GPHN: variants seen among roughly 807,000 people sequenced by gnomAD.
GPHN encodes gephyrin.
Under a neutral mutation model 95.5 loss-of-function variants are expected in GPHN, and 17 were observed. The ratio of observed to expected loss-of-function variants is 0.18; its 90% CI spans 0.12 to 0.27. The LOEUF is 0.27. Ranked by LOEUF, GPHN falls within the 10% of genes least tolerant of loss-of-function variation. GPHN has a pLI of 1.00. For missense variants in GPHN, 660 were observed against 978.1 expected (o/e 0.67, Z 4.34); for synonymous variants, 320 against 322.5 (o/e 0.99, Z 0.08).
chr14:67,370,119 C>A, the GPHN span, among the ~76,000 whole-genome samples: 1 of 152,270 alleles, frequency 6.6e-6, no homozygotes, highest in Non-Finnish European at 1.5e-5. Flanking sequence ...AGACACAGAT[C>A]ACTCATGCTT....
At chr14:67,477,966 A>G in the GPHN span, among the ~76,000 whole-genome samples, 2 of 152,314 alleles carry the variant, frequency 1.3e-5, no homozygotes, top group African/African-American at 4.8e-5. Context: ...GGTTCAGCAT[A>G]GTATTCCCAG....
chr14:67,411,948 GC>G, the GPHN span: 3 of 1,387,964 alleles, frequency 2.2e-6, no homozygotes, highest in South Asian at 3.8e-5. Context: ...CGCGCGTCTG[GC>G]CCCGCTCTAG....
rs2060805914 is a variant in GPHN at position 66,812,582 on chromosome 14, A to G, written c.202-11892A>G. ...AAGAGATAGGAAATCTTAGCAGAAA[A>G]AAATAGAAACTATTGAACCAAATAG... is the stretch of plus-strand genomic sequence containing the variant. On this transcript the variant is annotated intron_variant, in intron 3 of 22. Coordinates refer to ENST00000478722, the MANE Select transcript of GPHN (RefSeq NM_020806.5). Among the ~76,000 whole-genome samples, 3 of 152,344 alleles carry G rather than the reference A, an allele frequency of 2.0e-5. No individual in the cohort carries two copies. The South Asian group carries it at 6.2e-4, about 32-fold the overall frequency.
chr14:67,712,632 T>A, the GPHN span, among the ~76,000 whole-genome samples: 1 of 152,276 alleles, frequency 6.6e-6, no homozygotes, highest in East Asian at 1.9e-4. Context: ...GAGCTCATTT[T>A]AAAAAATCTT....
At chr14:66,558,790 G>T (rs181239770) in intron 1 of GPHN, among the ~76,000 whole-genome samples, 1 of 151,854 alleles carries the variant, frequency 6.6e-6, no homozygotes, top group African/African-American at 2.4e-5. Context: ...ACAATGTGCA[G>T]GTTAGTTACA....
At chr14:67,298,154 T>C in the GPHN span, among the ~76,000 whole-genome samples, 8 of 152,086 alleles carry the variant, frequency 5.3e-5, no homozygotes, top group African/African-American at 1.9e-4. Context: ...AGACTTAATC[T>C]TGTGACAGAG....
At chr14:66,524,606 T>C (rs2058613368) in intron 1 of GPHN, among the ~76,000 whole-genome samples, 2 of 152,084 alleles carry the variant, frequency 1.3e-5, no homozygotes, top group African/African-American at 4.8e-5. Context: ...CATCAACCTG[T>C]CATCTACATT....
chr14:66,624,817 TAGAC>T (rs1475707959), intron 1 of GPHN, among the ~76,000 whole-genome samples: 2 of 152,222 alleles, frequency 1.3e-5, no homozygotes, highest in African/African-American at 2.4e-5. Context: ...ACTCCTACCT[TAGAC>T]AGTATTCCTA....
intron 2 of GPHN, among the ~76,000 whole-genome samples, chr14:66,692,987 T>TTGTTTATGTGGGTAA (rs2067876408): frequency 6.6e-6 from 1 of 152,038 alleles, no homozygotes; most frequent in Admixed American, 6.5e-5. Context: ...GTGGGTAACA[T>TTGTTTATGTGGGTAA]CTATTGATAT....
At chr14:67,611,267 CTTTT>C in the GPHN span, 2 of 148,798 alleles carry the variant, frequency 1.3e-5, no homozygotes, top group African/African-American at 5.0e-5. Flanking sequence ...CTCTTTCTTT[CTTTT>C]CTTTCTTGAG....
Position 67,088,986 on chromosome 14 carries a change from G to A in GPHN, c.1148G>A (p.Gly383Glu). The A allele has an allele frequency of 6.3e-7, 1 of 1,578,174 alleles. No homozygotes were observed. Among genetic ancestry groups the A allele is most frequent in the Non-Finnish European group, 8.7e-7 (1 of 1,147,354 alleles). Residue 383 changes from glycine (G) to glutamate (E), a missense_variant, in exon 12 of 23, where the codon GGA becomes GAA. By Grantham distance (98) the Gly-to-Glu change is moderately conservative. Transcript: ENST00000478722. Reference sequence around the variant, plus strand: ...TCCTTCTTTTCTCTTCCTTCAGATGGAATGGGGCGAGTCCTTGCTCAAGAT... The same window carrying A: ...TCCTTCTTTTCTCTTCCTTCAGATGAAATGGGGCGAGTCCTTGCTCAAGAT... ...LGTEIINYRD[G>E]MGRVLAQDVY...
At chr14:67,144,271 A>ATG (rs2080750024) in intron 18 of GPHN, among the ~76,000 whole-genome samples, 4 of 125,814 alleles carry the variant, frequency 3.2e-5, no homozygotes, top group African/African-American at 1.0e-4. Context: ...ATATATATAT[A>ATG]TATATATATA....
At chr14:66,733,374 C>CATT (rs1165852027) in intron 2 of GPHN, among the ~76,000 whole-genome samples, 1 of 151,270 alleles carries the variant, frequency 6.6e-6, no homozygotes, top group Non-Finnish European at 1.5e-5. Flanking sequence ...CAGACTAATA[C>CATT]AGACACCTAG....
the GPHN span, among the ~76,000 whole-genome samples, chr14:67,513,399 A>G: frequency 6.6e-6 from 1 of 152,194 alleles, no homozygotes; most frequent in African/African-American, 2.4e-5. Flanking sequence ...GCAGGGCCAC[A>G]AATCTATAGC....
intron 17 of GPHN, chr14:67,143,026 A>T (rs536089585): frequency 3.0e-6 from 1 of 331,046 alleles, no homozygotes; most frequent in African/African-American, 2.1e-5. Flanking sequence ...AGGACATCTG[A>T]CTTTAGTACT....
intron 13 of GPHN, among the ~76,000 whole-genome samples, chr14:67,109,551 T>C (rs2078249177): frequency 2.0e-5 from 3 of 152,234 alleles, no homozygotes; most frequent in African/African-American, 7.2e-5. Flanking sequence ...TTACAGACAC[T>C]GGAATCATTT....
At chr14:67,703,460 A>G in the GPHN span, among the ~76,000 whole-genome samples, 16 of 152,236 alleles carry the variant, frequency 1.1e-4, no homozygotes, top group Admixed American at 5.9e-4. Flanking sequence ...GTAATACTAT[A>G]AACAGTGAGC....
At chr14:66,838,675 C>T (rs1244782753) in intron 4 of GPHN, among the ~76,000 whole-genome samples, 2 of 152,050 alleles carry the variant, frequency 1.3e-5, no homozygotes, top group African/African-American at 4.8e-5. Flanking sequence ...TATCTAGAGA[C>T]ATAGTCTAAG....
intron 2 of GPHN, among the ~76,000 whole-genome samples, chr14:66,763,671 T>C (rs903003011): frequency 1.3e-5 from 2 of 152,094 alleles, no homozygotes; most frequent in Non-Finnish European, 2.9e-5. Flanking sequence ...ATTCATATTG[T>C]ATTAGGTATC....
Sources: gnomAD v4.1 joint callset for allele counts (sites outside exome capture counted in the v4.1 genomes callset) on GRCh38, gnomAD v4.1.1 for gene constraint, MANE v1.5 for transcripts, NCBI Gene and HGNC (gene_info 2026-07-23, HGNC 2026-07-21) for gene names.